Variants in SLC4A7 observed in about 807,000 individuals in gnomAD.
SLC4A7 encodes sodium bicarbonate cotransporter 3.
Under a neutral mutation model 137.6 loss-of-function variants are expected in SLC4A7, and 51 were observed. That is an observed-to-expected ratio of 0.37 (90% CI 0.30 to 0.47). The LOEUF (loss-of-function observed/expected upper bound fraction) is 0.47. SLC4A7 is among the 20% of genes least tolerant of loss of function. The pLI, the probability that SLC4A7 is intolerant of heterozygous loss-of-function variation, is 1.00. For synonymous variants in SLC4A7, 542 were observed against 518.6 expected, an observed-to-expected ratio of 1.05 and a Z score of -0.61; for missense variants, 1,247 against 1,525.4, an observed-to-expected ratio of 0.82 and a Z score of 3.04.
intron 13 of SLC4A7, among the ~76,000 whole-genome samples, chr3:27,407,317 TA>T (rs2053471548): frequency 6.6e-6 from 1 of 151,502 alleles, no homozygotes; most frequent in Non-Finnish European, 1.5e-5. Flanking sequence ...CTGTCTCTAC[TA>T]AAAATACAAA....
chr3:27,400,587 A>G (rs2052646906), intron 16 of SLC4A7, among the ~76,000 whole-genome samples, 177 bp downstream of exon 16: 1 of 152,170 alleles, frequency 6.6e-6, no homozygotes, highest in South Asian at 2.1e-4. Context: ...TTCAGCCTAC[A>G]CTTTCGAGCG....
intron 22 of SLC4A7, among the ~76,000 whole-genome samples, chr3:27,388,266 A>T (rs1356545203): frequency 6.6e-6 from 1 of 152,192 alleles, no homozygotes; most frequent in Admixed American, 6.5e-5. Context: ...ACTTGCTAAT[A>T]TTTTAGTTTA....
At chr3:27,429,989 G>A (rs1393357311) in intron 7 of SLC4A7, among the ~76,000 whole-genome samples, 4 of 152,192 alleles carry the variant, frequency 2.6e-5, no homozygotes, top group African/African-American at 9.6e-5. Flanking sequence ...GCTACGGCAG[G>A]AGGATTGCTT....
intron 24 of SLC4A7, among the ~76,000 whole-genome samples, chr3:27,381,101 G>T (rs1188750028): frequency 6.6e-6 from 1 of 152,036 alleles, no homozygotes; most frequent in Non-Finnish European, 1.5e-5. Context: ...TAAAATTCTG[G>T]CAAATAAGCA....
intron 16 of SLC4A7, among the ~76,000 whole-genome samples, chr3:27,399,833 G>A (rs953538974): frequency 6.6e-6 from 1 of 152,160 alleles, no homozygotes; most frequent in African/African-American, 2.4e-5. Context: ...GCAGTCACAT[G>A]AATTGACTGA....
chr3:27,452,033 C>T (rs1462027851), intron 2 of SLC4A7, among the ~76,000 whole-genome samples: 2 of 152,070 alleles, frequency 1.3e-5, no homozygotes, highest in African/African-American at 4.8e-5. Flanking sequence ...TTTTAAAAGG[C>T]TAATGTAACA....
chr3:27,383,327 C>T, intron 23 of SLC4A7, 77 bp from the exon 24 acceptor site: 2 of 1,072,808 alleles, frequency 1.9e-6, no homozygotes, highest in Admixed American at 2.1e-5. Flanking sequence ...TAACATTTTA[C>T]AGACTTAGAA....
rs1398734825 is a variant in SLC4A7 at position 27,374,535 on chromosome 3, A to G, written c.*2229T>C. 1 of 152,510 alleles carries G rather than the reference A, an allele frequency of 6.6e-6. No homozygotes were observed. The allele number at this position is 152,510 out of a possible 1,614,324, so 9.4% of individuals were successfully genotyped here. Reference sequence around the variant, plus strand: ...GCAGTTAATTACCTAAACATGAGTTACCTTTGCTCTTAAATGGAGTAGTCA... The same window carrying G: ...GCAGTTAATTACCTAAACATGAGTTGCCTTTGCTCTTAAATGGAGTAGTCA... On this transcript the variant is annotated 3_prime_UTR_variant, in exon 26 of 26. Coordinates refer to ENST00000454389, the MANE Select transcript of SLC4A7 (RefSeq NM_001321103.2).
Position 27,424,097 on chromosome 3 carries a change from T to A in SLC4A7, c.1206A>T (p.Gly402=). Residue 402 remains glycine (G), a synonymous_variant, in exon 8 of 26, where the codon GGA becomes GGT. Transcript: ENST00000454389. Reference sequence around the variant, plus strand: ...CACCACTTCCATTACCTTTAATTTCTCCACTTTTACTATTGTCCAAGTTTC... The same window carrying A: ...CACCACTTCCATTACCTTTAATTTCACCACTTTTACTATTGTCCAAGTTTC... ...APGNLDNSKS[G]EIKGNGSGGS... 6.2e-7 allele frequency: 1 copy of A among 1,612,466 alleles called. No individual in the cohort carries two copies. The highest frequency in any genetic ancestry group is 8.5e-7 in the Non-Finnish European group (1 of 1,179,010).
rs143392203 is a variant in SLC4A7, at chr3:27,464,389, A to G, written c.61-11891T>C. On this transcript the variant is annotated intron_variant, in intron 1 of 25. Coordinates refer to ENST00000454389, the MANE Select transcript of SLC4A7 (RefSeq NM_001321103.2). The stretch of plus-strand genomic sequence containing the variant: ...ACTGATAATTCATTAAGGGTGAAAT[A>G]GTGACATTTTAGTCCATTCTTCAAA... 5.1e-3 allele frequency among the ~76,000 whole-genome samples: 782 copies of G among 152,278 alleles called. 3 individuals are homozygous for G. The highest frequency in any genetic ancestry group is 0.018 in the African/African-American group (744 of 41,560).
intron 11 of SLC4A7, among the ~76,000 whole-genome samples, chr3:27,415,216 C>T (rs1392126253): frequency 6.6e-6 from 1 of 152,122 alleles, no homozygotes; most frequent in African/African-American, 2.4e-5. Context: ...GATGCATTGT[C>T]TAATATCAAA....
At chr3:27,394,226 C>A (rs1271798359) in intron 20 of SLC4A7, among the ~76,000 whole-genome samples, 1 of 152,022 alleles carries the variant, frequency 6.6e-6, no homozygotes, top group Non-Finnish European at 1.5e-5. Context: ...ATTATGTTGC[C>A]CAGGCTGGTC....
At chr3:27,401,670 A>G (rs35700247) in intron 15 of SLC4A7, among the ~76,000 whole-genome samples, 6,042 of 152,200 alleles carry the variant, frequency 0.04, 138 homozygotes, top group East Asian at 0.066. Context: ...TAACACTACA[A>G]ATATAAATTT....
intron 13 of SLC4A7, among the ~76,000 whole-genome samples, chr3:27,406,675 C>A (rs944417989): frequency 5.3e-5 from 8 of 152,088 alleles, no homozygotes; most frequent in African/African-American, 1.9e-4. Context: ...ACGCCTATAA[C>A]ACAAGCACTT....
At chr3:27,383,988 GATTA>G (rs1305268145) in intron 23 of SLC4A7, among the ~76,000 whole-genome samples, 4 of 152,152 alleles carry the variant, frequency 2.6e-5, no homozygotes, top group Non-Finnish European at 4.4e-5. Flanking sequence ...GGCTGGTTAA[GATTA>G]AGGCTCAAGC....
chr3:27,420,615 A>T (rs2054870461), intron 10 of SLC4A7, 85 bp downstream of exon 10: 1 of 813,092 alleles, frequency 1.2e-6, no homozygotes, highest in Non-Finnish European at 1.9e-6. Context: ...CTTCACTATG[A>T]AAGAAAAGAG....
Position 27,404,937 on chromosome 3 carries a change from T to A in SLC4A7, c.1968A>T (p.Ala656=). Residue 656 remains alanine (A), a synonymous_variant, in exon 14 of 26, where the codon GCA becomes GCT. Coordinates refer to ENST00000454389, the MANE Select transcript of SLC4A7 (RefSeq NM_001321103.2). ...RISAIESLFG[A]SLTGIAYSLF... Reference sequence around the variant, plus strand: ...ATGAATAGGCAATCCCAGTTAATGATGCTCCAAAAAGAGACTCTATTGCAC... The same window carrying A: ...ATGAATAGGCAATCCCAGTTAATGAAGCTCCAAAAAGAGACTCTATTGCAC... 1 of 1,606,324 alleles carries A rather than the reference T, an allele frequency of 6.2e-7. No homozygotes were observed. The highest frequency in any genetic ancestry group is 8.5e-7 in the Non-Finnish European group (1 of 1,177,860).
At chr3:27,436,652 A>G in intron 4 of SLC4A7, 104 bp from the exon 5 acceptor site, 1 of 751,634 alleles carries the variant, frequency 1.3e-6, no homozygotes. Flanking sequence ...AAAAAAAAAG[A>G]AATAAAGAAA....
At chr3:27,452,333 T>A in intron 2 of SLC4A7, 84 bp downstream of exon 2, 1 of 841,000 alleles carries the variant, frequency 1.2e-6, no homozygotes, top group Non-Finnish European at 1.8e-6. Context: ...CAACAAATAC[T>A]AGGTAAAACT....
Sources: gnomAD v4.1 joint callset for allele counts (sites outside exome capture counted in the v4.1 genomes callset) on GRCh38, gnomAD v4.1.1 for gene constraint, MANE v1.5 for transcripts, NCBI Gene and HGNC (gene_info 2026-07-23, HGNC 2026-07-21) for gene names.